LRRTM4: variants seen among roughly 807,000 people sequenced by gnomAD.
LRRTM4 encodes leucine-rich repeat transmembrane neuronal protein 4.
Under a neutral mutation model 47.6 loss-of-function variants are expected in LRRTM4, and 25 were observed. That is an observed-to-expected ratio of 0.53 (90% CI 0.38 to 0.73). LRRTM4 has a LOEUF of 0.73. Among genes scored for constraint, LRRTM4 ranks in the 30% least tolerant of loss-of-function variants. The pLI is 0.00. For missense variants in LRRTM4, 638 were observed against 713.4 expected (o/e 0.89, Z 1.20); for synonymous variants, 311 against 269.5 (o/e 1.15, Z -1.51).
At chr2:76,984,562 G>A (rs549317436) in intron 3 of LRRTM4, among the ~76,000 whole-genome samples, 4 of 152,052 alleles carry the variant, frequency 2.6e-5, no homozygotes, top group South Asian at 4.2e-4. Flanking sequence ...CAGGCTCTCC[G>A]CAGCATCCTG....
rs192445779 is a variant in LRRTM4, at chr2:76,996,097, T to C, written c.1552-247181A>G. Among the ~76,000 whole-genome samples the C allele has an allele frequency of 2.2e-3, 332 of 152,076 alleles. 1 individual carries two copies. Among genetic ancestry groups the C allele is most frequent in the Non-Finnish European group, 3.6e-3 (246 of 67,972 alleles). ...CTATGGAACAAAACATAGGTATATA[T>C]AAATCAGGAATGAGTTGACATGCAA... On this transcript the variant is annotated intron_variant, in intron 3 of 3. Transcript: ENST00000409884.
At chr2:77,191,006 G>A (rs1673654949) in intron 3 of LRRTM4, among the ~76,000 whole-genome samples, 1 of 152,062 alleles carries the variant, frequency 6.6e-6, no homozygotes, top group South Asian at 2.1e-4. Context: ...GAAATTAACT[G>A]CAATTAATTT....
At chr2:77,480,547 T>A (rs1345312187) in intron 3 of LRRTM4, among the ~76,000 whole-genome samples, 1 of 152,084 alleles carries the variant, frequency 6.6e-6, no homozygotes. Flanking sequence ...GCAAGCAAGC[T>A]TAAGAAAATC....
At chr2:77,101,572 AT>A (rs1670952613) in intron 3 of LRRTM4, among the ~76,000 whole-genome samples, 2 of 152,202 alleles carry the variant, frequency 1.3e-5, no homozygotes, top group Admixed American at 6.5e-5. Flanking sequence ...TTAAGGAAAC[AT>A]TTCTAAATCT....
At chr2:77,020,643 G>C (rs1678234364) in intron 3 of LRRTM4, among the ~76,000 whole-genome samples, 1 of 152,104 alleles carries the variant, frequency 6.6e-6, no homozygotes, top group Admixed American at 6.6e-5. Context: ...GCCAGAGGTA[G>C]TTCAAAATGA....
At chr2:77,048,848 G>C (rs1476342347) in intron 3 of LRRTM4, among the ~76,000 whole-genome samples, 1 of 151,188 alleles carries the variant, frequency 6.6e-6, no homozygotes, top group Admixed American at 6.6e-5. Flanking sequence ...TAGTGCTATA[G>C]AACACTAGAA....
rs1679511605 is a variant in LRRTM4 at position 77,521,745 on chromosome 2, C to T, written c.-74G>A. On this transcript the variant is annotated 5_prime_UTR_variant, in exon 2 of 4. In the 5' UTR this introduces an upstream ATG that the reference lacks. Coordinates refer to ENST00000409884, the MANE Select transcript of LRRTM4 (RefSeq NM_001134745.3). ...TTGGTCTCTTGTGCGGAAACCACCA[C>T]CACCTTCATGACACAGTGCGGCTGT... 2.6e-6 allele frequency: 4 copies of T among 1,550,826 alleles called. No individual in the cohort carries two copies. Among genetic ancestry groups the T allele is most frequent in the African/African-American group, 2.7e-5 (2 of 73,072 alleles).
rs562983734 is a variant in LRRTM4, at chr2:76,989,955, T to G, written c.1552-241039A>C. The G allele has an allele frequency of 5.3e-5, 8 of 151,912 alleles. No individual in the cohort carries two copies. The East Asian group carries it at 1.6e-3, about 29-fold the overall frequency. The allele number at this position is 151,912 out of a possible 1,614,324, so 9.4% of individuals were successfully genotyped here. A position where few individuals can be genotyped will look rare whatever the true frequency, so the allele number is the denominator to read the frequency against. On this transcript the variant is annotated intron_variant, in intron 3 of 3. Coordinates refer to ENST00000409884, the MANE Select transcript of LRRTM4 (RefSeq NM_001134745.3). Reference sequence around the variant, plus strand: ...AGTAACTGCTGGCTATTTACTTATATTGTTAATCATATTATGTTTAAATAT... The same window carrying G: ...AGTAACTGCTGGCTATTTACTTATAGTGTTAATCATATTATGTTTAAATAT...
chr2:77,266,786 A>G (rs1676062196), intron 3 of LRRTM4, among the ~76,000 whole-genome samples: 1 of 152,160 alleles, frequency 6.6e-6, no homozygotes, highest in African/African-American at 2.4e-5. Context: ...TTCAGGCACA[A>G]GAGAGTGCAG....
At chr2:77,482,203 G>C (rs1037868124) in intron 3 of LRRTM4, among the ~76,000 whole-genome samples, 2 of 152,116 alleles carry the variant, frequency 1.3e-5, no homozygotes, top group Non-Finnish European at 2.9e-5. Context: ...ATTTGAAGTT[G>C]CTGGTGCTTT....
intron 3 of LRRTM4, among the ~76,000 whole-genome samples, chr2:77,113,033 A>G (rs1019712011): frequency 2.0e-5 from 3 of 152,148 alleles, no homozygotes; most frequent in Admixed American, 6.5e-5. Flanking sequence ...GTTTAACAGT[A>G]GGAGCTTGGC....
intron 3 of LRRTM4, among the ~76,000 whole-genome samples, chr2:76,974,759 A>C (rs1028218637): frequency 3.3e-5 from 5 of 151,756 alleles, no homozygotes; most frequent in Non-Finnish European, 7.4e-5. Flanking sequence ...TTTTCCAAGA[A>C]TATTTCTGGA....
intron 3 of LRRTM4, among the ~76,000 whole-genome samples, chr2:76,842,466 C>T (rs376282480): frequency 2.0e-5 from 3 of 152,080 alleles, no homozygotes; most frequent in East Asian, 3.9e-4. Flanking sequence ...ATTGAAAATA[C>T]CATAAGTCGA....
intron 3 of LRRTM4, among the ~76,000 whole-genome samples, chr2:77,312,709 T>G (rs2104201590): frequency 6.6e-6 from 1 of 152,224 alleles, no homozygotes; most frequent in Admixed American, 6.5e-5. Flanking sequence ...AAATCTTTTC[T>G]AACTAAATGG....
intron 3 of LRRTM4, among the ~76,000 whole-genome samples, chr2:77,488,082 G>A (rs1019392598): frequency 2.0e-5 from 3 of 152,182 alleles, no homozygotes; most frequent in African/African-American, 7.2e-5. Context: ...TGCAGGCAAC[G>A]AGAAGGAGGG....
intron 3 of LRRTM4, among the ~76,000 whole-genome samples, chr2:76,799,515 G>C (rs1050854492): frequency 4.2e-5 from 6 of 144,276 alleles, no homozygotes; most frequent in African/African-American, 1.5e-4. Flanking sequence ...GGCAAAAACT[G>C]CAAGCATTCC....
intron 3 of LRRTM4, among the ~76,000 whole-genome samples, chr2:77,361,371 AC>A (rs1207437703): frequency 6.6e-6 from 1 of 151,784 alleles, no homozygotes; most frequent in African/African-American, 2.4e-5. Flanking sequence ...GCTAAACTCT[AC>A]CCCTTTTTAA....
At chr2:76,860,330 T>C (rs1287979967) in intron 3 of LRRTM4, among the ~76,000 whole-genome samples, 1 of 152,142 alleles carries the variant, frequency 6.6e-6, no homozygotes, top group African/African-American at 2.4e-5. Context: ...TGTTACTAAT[T>C]TGATATTCGA....
chr2:77,050,253 A>C (rs1481625197), intron 3 of LRRTM4, among the ~76,000 whole-genome samples: 1 of 150,900 alleles, frequency 6.6e-6, no homozygotes, highest in Non-Finnish European at 1.5e-5. Context: ...CCTTAACCTC[A>C]TATTCCTGCA....
Sources: allele counts gnomAD v4.1 joint callset (sites outside exome capture counted in the v4.1 genomes callset), GRCh38; gene constraint gnomAD v4.1.1; transcripts MANE v1.5; gene names NCBI Gene and HGNC (gene_info 2026-07-23, HGNC 2026-07-21).